Variants in ZGRF1 observed in about 807,000 individuals in gnomAD.
ZGRF1 encodes 5'-3' DNA helicase ZGRF1.
ZGRF1 carries 196 observed loss-of-function variants against 203.5 expected under a neutral mutation model. The observed-to-expected ratio is 0.96, with a 90% CI of 0.86 to 1.08. ZGRF1 has a LOEUF of 1.08. Among genes scored for constraint, ZGRF1 ranks in the 50% least tolerant of loss-of-function variants. The pLI is 0.00. For missense variants in ZGRF1, 2,326 were observed against 2,416.3 expected, an observed-to-expected ratio of 0.96 and a Z score of 0.78; for synonymous variants, 809 against 841.3, an observed-to-expected ratio of 0.96 and a Z score of 0.66.
intron 10 of ZGRF1, among the ~76,000 whole-genome samples, chr4:112,599,598 T>C (rs1749606647): frequency 1.3e-5 from 2 of 151,302 alleles, no homozygotes; most frequent in Admixed American, 1.3e-4. Context: ...GGTGTGTGCC[T>C]ACAGTCTCAG....
chr4:112,621,555 AG>A (rs1295249097), intron 4 of ZGRF1, among the ~76,000 whole-genome samples: 1 of 150,588 alleles, frequency 6.6e-6, no homozygotes, highest in African/African-American at 2.4e-5. Context: ...CGGGAGGCTG[AG>A]GCAGGAGAAT....
rs372305957 is a variant in ZGRF1, at chr4:112,621,862, G to A, written c.163-1672C>T. Reference sequence around the variant, plus strand: ...CTACCTCAGCCTCCCAAGCAGCTGGGATTGCAGGCATGCACCACCACGTCC... The same window carrying A: ...CTACCTCAGCCTCCCAAGCAGCTGGAATTGCAGGCATGCACCACCACGTCC... On this transcript the variant is annotated intron_variant, in intron 4 of 27. Coordinates refer to ENST00000505019, the MANE Select transcript of ZGRF1 (RefSeq NM_018392.5). Among the ~76,000 whole-genome samples, 144 of 150,982 alleles carry A rather than the reference G, an allele frequency of 9.5e-4. 1 individual carries two copies. Among genetic ancestry groups the A allele is most frequent in the African/African-American group, 3.3e-3 (138 of 41,260 alleles).
intron 3 of ZGRF1, chr4:112,628,944 T>C (rs1352673458): frequency 2.8e-6 from 1 of 356,166 alleles, no homozygotes; most frequent in East Asian, 7.4e-5. Context: ...AAAATATGGA[T>C]ATGCAAAGAC....
chr4:112,609,312 C>A, intron 8 of ZGRF1, 67 bp downstream of exon 8: 1 of 737,778 alleles, frequency 1.4e-6, no homozygotes, highest in South Asian at 2.1e-5. Context: ...CTCAGCCTCC[C>A]AAAGTGCTGG....
At chr4:112,558,066 A>G (rs1027943424) in intron 20 of ZGRF1, 84 bp downstream of exon 20, 8 of 1,096,194 alleles carry the variant, frequency 7.3e-6, no homozygotes, top group African/African-American at 6.6e-5. Context: ...GCAAGAGTAC[A>G]TGGACACTCA....
rs1366977209 is a variant in ZGRF1, at chr4:112,619,277, TA to T, written c.764del (p.Ile255AsnfsTer2). ...ATGATTCGGACTTCAGAAGAGCTAA[TA>T]TCTGTGCTTTGCTTCTGATGTTTTG... Reference protein sequence around the residue: ...VSQNIRSKAQILALLKSESSS... With the variant: ...VSQNIRSKAQXLALLKSESSS... On this transcript the variant is annotated frameshift_variant, in exon 6 of 28. Transcript: ENST00000505019. LOFTEE classifies it high-confidence loss of function. 4 of 1,613,256 alleles carry T rather than the reference TA, an allele frequency of 2.5e-6. No homozygotes were observed. The highest frequency in any genetic ancestry group is 3.4e-6 in the Non-Finnish European group (4 of 1,179,968).
chr4:112,594,276 A>T (rs1748631792), intron 10 of ZGRF1, among the ~76,000 whole-genome samples: 1 of 152,114 alleles, frequency 6.6e-6, no homozygotes, highest in Non-Finnish European at 1.5e-5. Flanking sequence ...GTACTTTTGA[A>T]TTCTTATTTA....
At chr4:112,605,975 G>A in intron 9 of ZGRF1, 33 bp downstream of exon 9, 3 of 1,330,212 alleles carry the variant, frequency 2.3e-6, no homozygotes, top group Non-Finnish European at 3.2e-6. Flanking sequence ...AATGTAGTTG[G>A]TTAAATAAAT....
At chr4:112,595,882 T>C (rs1441224894) in intron 10 of ZGRF1, among the ~76,000 whole-genome samples, 1 of 152,204 alleles carries the variant, frequency 6.6e-6, no homozygotes, top group African/African-American at 2.4e-5. Context: ...AACAAACTGG[T>C]GCTTTTTACA....
intron 7 of ZGRF1, 42 bp from the exon 8 acceptor site, chr4:112,609,471 T>C (rs1278389626): frequency 9.0e-7 from 1 of 1,110,322 alleles, no homozygotes; most frequent in Non-Finnish European, 1.3e-6. Flanking sequence ...TAATAGGCAA[T>C]AATAATTTAG....
intron 16 of ZGRF1, among the ~76,000 whole-genome samples, chr4:112,570,675 T>C (rs1444908737): frequency 1.3e-5 from 2 of 152,104 alleles, no homozygotes; most frequent in Admixed American, 6.5e-5. Context: ...AAGTCAGAAG[T>C]TAACAAAAAG....
chr4:112,633,047 T>A, intron 2 of ZGRF1, 109 bp downstream of exon 2: 1 of 995,180 alleles, frequency 1.0e-6, no homozygotes, highest in Admixed American at 2.2e-5. Context: ...TGTTTTTTGT[T>A]TTGTTTTTGC....
chr4:112,625,373 C>G (rs1254738755), intron 3 of ZGRF1, among the ~76,000 whole-genome samples: 4 of 149,054 alleles, frequency 2.7e-5, no homozygotes, highest in Non-Finnish European at 4.4e-5. Flanking sequence ...ATCACGAGGT[C>G]AGGAGATCGA....
chr4:112,626,476 A>G (rs986204844), intron 3 of ZGRF1, among the ~76,000 whole-genome samples: 3 of 152,300 alleles, frequency 2.0e-5, no homozygotes, highest in Middle Eastern at 3.4e-3. Context: ...ACTCTGTTCC[A>G]ACCACACTAA....
chr4:112,578,505 C>A (rs1745634834), intron 16 of ZGRF1, among the ~76,000 whole-genome samples: 1 of 120,044 alleles, frequency 8.3e-6, no homozygotes, highest in Admixed American at 9.6e-5. Context: ...AAAAGATCAA[C>A]AAAATTGATA....
At chr4:112,546,902 T>A (rs1345322525) in intron 24 of ZGRF1, 3 of 153,402 alleles carry the variant, frequency 2.0e-5, no homozygotes, top group Non-Finnish European at 4.4e-5. Context: ...AGTCTCAGGT[T>A]TTTCTGTTAT....
chr4:112,631,594 C>T (rs1169650304), intron 3 of ZGRF1, among the ~76,000 whole-genome samples: 3 of 152,088 alleles, frequency 2.0e-5, no homozygotes, highest in Admixed American at 1.3e-4. Flanking sequence ...ATCGTTTGAA[C>T]CCGGGAGGCA....
Position 112,617,430 on chromosome 4 carries a change from C to A in ZGRF1, c.2602+10G>T. 2 of 1,516,188 alleles carry A rather than the reference C, an allele frequency of 1.3e-6. No homozygotes were observed. Among genetic ancestry groups the A allele is most frequent in the Non-Finnish European group, 1.8e-6 (2 of 1,134,642 alleles). 93.9% of individuals were successfully genotyped at this position (1,516,188 alleles called of 1,614,324 possible). A position where few individuals can be genotyped will look rare whatever the true frequency, so the allele number is the denominator to read the frequency against. On this transcript the variant is annotated intron_variant, in intron 6 of 27. Coordinates refer to ENST00000505019, the MANE Select transcript of ZGRF1 (RefSeq NM_018392.5). Reference sequence around the variant, plus strand: ...AAGAAAACATTCCAAAATAGACATGCAATTCTAACCTTCAGGAGGGCTATC... The same window carrying A: ...AAGAAAACATTCCAAAATAGACATGAAATTCTAACCTTCAGGAGGGCTATC...
intron 9 of ZGRF1, 128 bp downstream of exon 9, chr4:112,605,880 A>C: frequency 1.5e-6 from 1 of 676,996 alleles, no homozygotes; most frequent in East Asian, 2.6e-5. Flanking sequence ...TCTTAAAACC[A>C]GACTTATTTA....
Sources: gnomAD v4.1 joint callset for allele counts (sites outside exome capture counted in the v4.1 genomes callset) on GRCh38, gnomAD v4.1.1 for gene constraint, MANE v1.5 for transcripts, NCBI Gene and HGNC (gene_info 2026-07-23, HGNC 2026-07-21) for gene names.